THAP9: variants seen among roughly 807,000 people sequenced by gnomAD.
THAP9 encodes DNA transposase THAP9.
In THAP9, 20 loss-of-function variants were observed where a neutral mutation model predicts 35.7. That is an observed-to-expected ratio of 0.56 (90% confidence interval 0.39 to 0.81). THAP9 has a LOEUF of 0.81. THAP9 is among the 40% of genes least tolerant of loss of function. The probability of loss-of-function intolerance (pLI) is 0.00; values close to 1 mark genes in which losing one functional copy is unlikely to be tolerated. For missense variants in THAP9, 870 were observed against 1,047.4 expected, an observed-to-expected ratio of 0.83 and a Z score of 2.34; for synonymous variants, 335 against 373.7, an observed-to-expected ratio of 0.90 and a Z score of 1.19.
intron 4 of THAP9, among the ~76,000 whole-genome samples, chr4:82,916,336 C>T (rs1360850901): frequency 6.6e-6 from 1 of 152,146 alleles, no homozygotes; most frequent in Non-Finnish European, 1.5e-5. Context: ...TATGAAAGAA[C>T]TCCTAAGATA....
intron 4 of THAP9, among the ~76,000 whole-genome samples, chr4:82,912,579 T>G (rs1720901426): frequency 6.6e-6 from 1 of 152,228 alleles, no homozygotes; most frequent in South Asian, 2.1e-4. Context: ...TGAAAATTGC[T>G]TTGAACTTTC....
In THAP9 at chr4:82,918,310, T is replaced by TA; in HGVS notation, c.2098_2099insA (p.Ser700TyrfsTer4). The TA allele has an allele frequency of 6.2e-7, 1 of 1,614,186 alleles. No homozygotes were observed. The highest frequency in any genetic ancestry group is 8.5e-7 in the Non-Finnish European group (1 of 1,180,024). ...TATTTGTCAAGACTGGTCTCATTGT[T>TA]CACTAAGTGAGGCATTACTAGACCT... On this transcript the variant is annotated frameshift_variant, in exon 5 of 5. Coordinates refer to ENST00000302236, the MANE Select transcript of THAP9 (RefSeq NM_024672.6). LOFTEE classifies it low-confidence loss of function (END_TRUNC).
intron 1 of THAP9, among the ~76,000 whole-genome samples, chr4:82,901,733 A>G (rs986624446): frequency 6.8e-6 from 1 of 146,946 alleles, no homozygotes; most frequent in East Asian, 2.0e-4. Flanking sequence ...TTTGTTTTCT[A>G]TTTTTTAAAT....
rs1156674919 is a variant in THAP9 at position 82,906,457 on chromosome 4, A to G, written c.410A>G (p.Glu137Gly). ...AAGACACCTTTGACGATAGGTGCAG[A>G]GAAACTGGCTGAGGTGCAACAAATG... ...SLKTPLTIGA[E>G]KLAEVQQMLQ... Residue 137 changes from glutamate (E) to glycine (G), a missense_variant, in exon 3 of 5, where the codon GAG becomes GGG. By Grantham distance (98) the Glu-to-Gly change is moderately conservative. Transcript: ENST00000302236. The G allele has an allele frequency of 2.5e-6, 4 of 1,613,894 alleles. No individual in the cohort carries two copies. The highest frequency in any genetic ancestry group is 3.4e-6 in the Non-Finnish European group (4 of 1,179,800).
chr4:82,918,577 G>C lies in THAP9; in HGVS notation c.2365G>C (p.Glu789Gln). 6.2e-7 allele frequency: 1 copy of C among 1,613,922 alleles called. No individual in the cohort carries two copies. The highest frequency in any genetic ancestry group is 1.1e-5 in the South Asian group (1 of 91,046). ...VRTHSRMAIFELVSKQRELYL... is the reference protein window; with the variant it reads ...VRTHSRMAIFQLVSKQRELYL... ...AACCCATTCAAGAATGGCAATTTTT[G>C]AACTAGTTTCTAAACAAAGGGAATT... is the stretch of plus-strand genomic sequence containing the variant. The change falls in exon 5 of 5, where the codon GAA becomes CAA. Residue 789 changes from glutamate to glutamine, a missense_variant. Glu to Gln is a conservative substitution (Grantham distance 29). Transcript: ENST00000302236.
rs1477406510 is a variant in THAP9 at position 82,918,745 on chromosome 4, A to C, written c.2533A>C (p.Asn845His). ...AAAGGATATAATAATCTGTTTCTTA[A>C]ATATCAGAGCTAAAAATGTTGCACA... ...LLKDIIICFL[N>H]IRAKNVAQNP... is the part of the protein sequence containing the mutation. The change falls in exon 5 of 5, where the codon AAT becomes CAT. Residue 845 changes from asparagine to histidine, a missense_variant. By Grantham distance (68) the Asn-to-His change is moderately conservative. Around this residue, in one of 3 missense-constraint regions of THAP9, gnomAD observed 414 missense variants for 500.8 expected, o/e 0.83. Transcript: ENST00000302236. 1 of 1,613,922 alleles carries C rather than the reference A, an allele frequency of 6.2e-7. No individual in the cohort carries two copies. Among genetic ancestry groups the C allele is most frequent in the Middle Eastern group, 1.7e-4 (1 of 6,014 alleles).
chr4:82,905,787 T>G, intron 2 of THAP9: 1 of 443,778 alleles, frequency 2.3e-6, no homozygotes, highest in East Asian at 7.0e-5. Flanking sequence ...GTCCAGGCAT[T>G]GTACTAGGAG....
rs766307903 is a variant in THAP9 at position 82,906,402 on chromosome 4, G to T, written c.355G>T (p.Val119Phe). 6.2e-7 allele frequency: 1 copy of T among 1,613,418 alleles called. No individual in the cohort carries two copies. Among genetic ancestry groups the T allele is most frequent in the African/African-American group, 1.3e-5 (1 of 74,890 alleles). The part of the protein sequence containing the change: ...KQPLPDNSQE[V>F]ATEDHNYSLK... The stretch of plus-strand genomic sequence containing the variant: ...ACCTCTTCCAGACAATTCTCAAGAA[G>T]TTGCTACTGAGGACCATAACTATAG... Residue 119 changes from valine (V) to phenylalanine (F), a missense_variant, in exon 3 of 5, where the codon GTT becomes TTT. Physicochemically the swap from Val to Phe is conservative, Grantham distance 50. Transcript: ENST00000302236.
chr4:82,917,377 C>T lies in THAP9; in HGVS notation c.1165C>T (p.His389Tyr). The T allele has an allele frequency of 1.2e-6, 2 of 1,613,634 alleles. No homozygotes were observed. The highest frequency in any genetic ancestry group is 4.5e-5 in the East Asian group (2 of 44,870). ...TCAGATGGCAAAAGCATTGGGGATACATATTGATGGAGACGACATGAAATG... is the reference window on the plus strand; with the variant it reads ...TCAGATGGCAAAAGCATTGGGGATATATATTGATGGAGACGACATGAAATG... Reference protein sequence around the residue: ...SVQMAKALGIHIDGDDMKCTF... With the variant: ...SVQMAKALGIYIDGDDMKCTF... The change falls in exon 5 of 5, where the codon CAT becomes TAT. Residue 389 changes from histidine (H) to tyrosine (Y), a missense_variant. Physicochemically the swap from His to Tyr is moderately conservative, Grantham distance 83. Coordinates refer to ENST00000302236, the MANE Select transcript of THAP9 (RefSeq NM_024672.6).
chr4:82,909,164 C>A (rs1434720203), intron 4 of THAP9, among the ~76,000 whole-genome samples: 1 of 152,094 alleles, frequency 6.6e-6, no homozygotes, highest in Non-Finnish European at 1.5e-5. Flanking sequence ...CTCGGCCTCC[C>A]AAAGTGCTGG....
At chr4:82,906,819 A>C (rs796660288) in intron 3 of THAP9, among the ~76,000 whole-genome samples, 192 bp downstream of exon 3, 8 of 152,154 alleles carry the variant, frequency 5.3e-5, no homozygotes, top group African/African-American at 1.9e-4. Flanking sequence ...TATAAAAGTA[A>C]CATTTATTAT....
intron 4 of THAP9, among the ~76,000 whole-genome samples, chr4:82,913,905 T>C (rs1359175431): frequency 6.6e-6 from 1 of 151,656 alleles, no homozygotes; most frequent in Non-Finnish European, 1.5e-5. Context: ...CCTGGCTAAT[T>C]TGTGTATTTT....
chr4:82,906,273 C>A (rs1424586773), intron 2 of THAP9, 51 bp from the exon 3 acceptor site: 3 of 1,424,212 alleles, frequency 2.1e-6, no homozygotes, highest in Non-Finnish European at 1.9e-6. Flanking sequence ...TACAGATACT[C>A]TTCTATGTGA....
intron 4 of THAP9, among the ~76,000 whole-genome samples, chr4:82,912,199 G>T: frequency 6.6e-6 from 1 of 152,270 alleles, no homozygotes; most frequent in Middle Eastern, 3.4e-3. Flanking sequence ...TTGAAATTAA[G>T]TCTTAATATC....
chr4:82,901,216 AGT>A (rs994299816), intron 1 of THAP9: 53 of 553,666 alleles, frequency 9.6e-5, no homozygotes, highest in African/African-American at 5.4e-4. Flanking sequence ...CAACGGTTGA[AGT>A]GTGTGTGTGG....
At chr4:82,905,608 T>A (rs541980122) in intron 2 of THAP9, among the ~76,000 whole-genome samples, 6 of 152,296 alleles carry the variant, frequency 3.9e-5, no homozygotes, top group African/African-American at 1.4e-4. Flanking sequence ...GGTGTCAAAT[T>A]CAAACTCACC....
At chr4:82,905,541 C>CAG (rs10625096) in intron 2 of THAP9, among the ~76,000 whole-genome samples, 151,834 of 152,300 alleles carry the variant, frequency 1, 75,684 homozygotes, top group Middle Eastern at 1. Flanking sequence ...TCTTAATCGT[C>CAG]AGTCTCCTTC....
chr4:82,909,238 C>T (rs936661499), intron 4 of THAP9, among the ~76,000 whole-genome samples: 1 of 152,202 alleles, frequency 6.6e-6, no homozygotes, highest in East Asian at 1.9e-4. Context: ...AGATTTTCCT[C>T]TATACACACT....
At chr4:82,902,195 A>C (rs895269593) in intron 1 of THAP9, among the ~76,000 whole-genome samples, 2 of 130,932 alleles carry the variant, frequency 1.5e-5, no homozygotes, top group African/African-American at 6.0e-5. Context: ...CGCAGCCTCT[A>C]TCTCCCAGGC....
Sources: allele counts gnomAD v4.1 joint callset (sites outside exome capture counted in the v4.1 genomes callset), GRCh38; gene constraint gnomAD v4.1.1; regional missense constraint gnomAD v4.1.1; transcripts MANE v1.5; gene names NCBI Gene and HGNC (gene_info 2026-07-23, HGNC 2026-07-21).